FAM174A: variants seen among roughly 807,000 people sequenced by gnomAD.
The protein encoded by FAM174A is family with sequence similarity 174 member A, also known as membrane protein FAM174A.
FAM174A carries 14 observed loss-of-function variants against 14.3 expected under a neutral mutation model. The observed-to-expected ratio is 0.98, with a 90% CI of 0.65 to 1.53. FAM174A has a LOEUF of 1.53. Ranked by LOEUF, FAM174A falls within the 40% of genes most tolerant of loss-of-function variation. FAM174A has a pLI of 0.00. For synonymous variants in FAM174A, 108 were observed against 111.4 expected (o/e 0.97, Z 0.19); for missense variants, 241 against 249.6 (o/e 0.97, Z 0.23).
At chr5:100,540,808 T>C (rs1746034177) in intron 1 of FAM174A, among the ~76,000 whole-genome samples, 1 of 152,038 alleles carries the variant, frequency 6.6e-6, no homozygotes, top group South Asian at 2.1e-4. Flanking sequence ...TTCTGGGAGG[T>C]AAAAGTGGAG....
At chr5:100,573,540 G>C (rs1746838585) in intron 2 of FAM174A, among the ~76,000 whole-genome samples, 2 of 151,896 alleles carry the variant, frequency 1.3e-5, no homozygotes, top group Non-Finnish European at 2.9e-5. Flanking sequence ...ACCTCTTCAA[G>C]GAGAACTACA....
chr5:100,577,253 A>C (rs773013735), intron 2 of FAM174A, among the ~76,000 whole-genome samples: 172 of 152,206 alleles, frequency 1.1e-3, no homozygotes, highest in Middle Eastern at 3.4e-3. Context: ...TTAAATAATA[A>C]TTTTATAATG....
intron 1 of FAM174A, among the ~76,000 whole-genome samples, chr5:100,555,330 G>T (rs533969178): frequency 6.6e-6 from 1 of 152,140 alleles, no homozygotes. Flanking sequence ...GTCTATCATT[G>T]TTGGACATTT....
intron 2 of FAM174A, among the ~76,000 whole-genome samples, chr5:100,575,562 C>G (rs1342891790): frequency 6.6e-6 from 1 of 151,926 alleles, no homozygotes; most frequent in Admixed American, 6.6e-5. Context: ...TCATCCATGT[C>G]CCTAAAACCA....
intron 2 of FAM174A, among the ~76,000 whole-genome samples, chr5:100,565,541 G>A (rs1746625884): frequency 6.6e-6 from 1 of 151,774 alleles, no homozygotes; most frequent in South Asian, 2.1e-4. Context: ...TCTGTTGGTG[G>A]GAATGTAAGT....
chr5:100,565,784 A>C (rs989502622), intron 2 of FAM174A, among the ~76,000 whole-genome samples: 3 of 151,698 alleles, frequency 2.0e-5, no homozygotes, highest in Non-Finnish European at 2.9e-5. Context: ...GCTTGGAAGA[A>C]ATATCGGAGA....
At chr5:100,565,744 T>C (rs1326216432) in intron 2 of FAM174A, among the ~76,000 whole-genome samples, 1 of 151,808 alleles carries the variant, frequency 6.6e-6, no homozygotes, top group African/African-American at 2.4e-5. Context: ...TAAATGTGCA[T>C]TGACAGATGT....
At chr5:100,550,780 G>A (rs1746246527) in intron 1 of FAM174A, among the ~76,000 whole-genome samples, 1 of 152,196 alleles carries the variant, frequency 6.6e-6, no homozygotes, top group Admixed American at 6.6e-5. Flanking sequence ...ACAGCTGAAA[G>A]ATGAGCAGGC....
chr5:100,585,841 CAT>C (rs921379637), intron 2 of FAM174A, among the ~76,000 whole-genome samples: 1 of 152,028 alleles, frequency 6.6e-6, no homozygotes, highest in African/African-American at 2.4e-5. Flanking sequence ...AGTTCAAACC[CAT>C]GTCATTCAAC....
chr5:100,584,628 G>A (rs1481542292), intron 2 of FAM174A, among the ~76,000 whole-genome samples: 3 of 152,136 alleles, frequency 2.0e-5, no homozygotes, highest in Non-Finnish European at 2.9e-5. Context: ...AATCATGTTA[G>A]AGTCTGTAGG....
rs772911516 is a variant in FAM174A, at chr5:100,535,572, G to C, written c.42G>C (p.Leu14Phe). ...SQCCCCLSHL[L>F]ASVLLLLLLP... ...GCTGCTGCTGTCTCAGCCACCTCTT[G>C]GCTTCCGTCCTCCTCCTGCTGTTGC... The change falls in exon 1 of 3, where the codon TTG (leucine) becomes TTC (phenylalanine). Residue 14 changes from leucine (L) to phenylalanine (F), a missense_variant. Leu to Phe is a conservative substitution (Grantham distance 22, BLOSUM62 0). Transcript: ENST00000312637. 1.2e-6 allele frequency: 2 copies of C among 1,613,250 alleles called. No homozygotes were observed.
intron 1 of FAM174A, among the ~76,000 whole-genome samples, chr5:100,541,444 C>T (rs1428219432): frequency 6.6e-6 from 1 of 152,044 alleles, no homozygotes. Context: ...GTAACTGAAT[C>T]TATTTTCAGT....
intron 1 of FAM174A, among the ~76,000 whole-genome samples, chr5:100,538,640 T>G (rs886893543): frequency 6.6e-6 from 1 of 152,084 alleles, no homozygotes; most frequent in South Asian, 2.1e-4. Context: ...ATATCCTCAG[T>G]GCTAAACATC....
At chr5:100,566,152 A>ATATATATG (rs1282656143) in intron 2 of FAM174A, among the ~76,000 whole-genome samples, 1 of 120,422 alleles carries the variant, frequency 8.3e-6, no homozygotes, top group Admixed American at 7.8e-5. Context: ...ATATATATAT[A>ATATATATG]TATATATATA....
rs553823707 is a variant in FAM174A at position 100,567,910 on chromosome 5, A to G, written c.569+5722A>G. On this transcript the variant is annotated intron_variant, in intron 2 of 2. Transcript: ENST00000312637. ...ACTGTGTTAATGACTTTTCCCCTCC[A>G]TAACTAATAAGGAAACATTTTACAA... is the stretch of plus-strand genomic sequence containing the variant. Among the ~76,000 whole-genome samples, 17 of 152,076 alleles carry G rather than the reference A, an allele frequency of 1.1e-4. No individual in the cohort carries two copies. In the South Asian group the frequency reaches 3.5e-3, roughly 31 times the overall value.
chr5:100,536,346 A>G lies in FAM174A; in HGVS notation c.434+382A>G, dbSNP rs76220927. ...TACCTAACTGGTCAAAATTTTGCCAATCAGAATGCAAACTCTTTAAAGACA... is the reference window on the plus strand; with the variant it reads ...TACCTAACTGGTCAAAATTTTGCCAGTCAGAATGCAAACTCTTTAAAGACA... On this transcript the variant is annotated intron_variant, in intron 1 of 2. Coordinates refer to ENST00000312637, the MANE Select transcript of FAM174A (RefSeq NM_198507.3). Among the ~76,000 whole-genome samples the G allele has an allele frequency of 3.4e-3, 511 of 152,328 alleles. 4 individuals are homozygous for G. The highest frequency in any genetic ancestry group is 0.011 in the African/African-American group (466 of 41,578).
chr5:100,573,530 A>C (rs1341482225), intron 2 of FAM174A, among the ~76,000 whole-genome samples: 1 of 151,924 alleles, frequency 6.6e-6, no homozygotes, highest in East Asian at 1.9e-4. Flanking sequence ...GATGTGAAGG[A>C]CCTCTTCAAG....
At chr5:100,570,069 A>G (rs980261759) in intron 2 of FAM174A, among the ~76,000 whole-genome samples, 3 of 151,964 alleles carry the variant, frequency 2.0e-5, no homozygotes, top group Non-Finnish European at 4.4e-5. Context: ...ACAATATCAA[A>G]CATCATTTAA....
chr5:100,546,719 A>G (rs1580364329), intron 1 of FAM174A, among the ~76,000 whole-genome samples: 1 of 152,196 alleles, frequency 6.6e-6, no homozygotes, highest in East Asian at 1.9e-4. Context: ...TATGCACTAT[A>G]CCAGATACAC....
Sources: allele counts gnomAD v4.1 joint callset (sites outside exome capture counted in the v4.1 genomes callset), GRCh38; gene constraint gnomAD v4.1.1; transcripts MANE v1.5; gene names NCBI Gene and HGNC (gene_info 2026-07-23, HGNC 2026-07-21).